The following METTL21A variants were observed in gnomAD, a reference collection of about 807,000 sequenced individuals.
METTL21A encodes the protein protein N-lysine methyltransferase METTL21A.
In METTL21A, 22 loss-of-function variants were observed where a neutral mutation model predicts 20.9. The observed-to-expected ratio is 1.05, with a 90% confidence interval of 0.75 to 1.50. METTL21A has a LOEUF of 1.50. Ranked by LOEUF, METTL21A falls within the 40% of genes most tolerant of loss-of-function variation. The pLI is 0.00. For synonymous variants in METTL21A, 93 were observed against 102.0 expected (o/e 0.91, Z 0.53); for missense variants, 271 against 266.8 (o/e 1.02, Z -0.11).
chr2:207,605,541 T>C (rs1310600462), downstream of METTL21A, among the ~76,000 whole-genome samples: 1 of 151,862 alleles, frequency 6.6e-6, no homozygotes. Flanking sequence ...AAAAGAAACA[T>C]GGAAAAGGGC....
At chr2:207,601,996 T>C (rs2087138410) in intron 3 of METTL21A, 1 of 206,888 alleles carries the variant, frequency 4.8e-6, no homozygotes, top group Non-Finnish European at 9.9e-6. Context: ...GCATTAATCT[T>C]TGAGGGGCTG....
At chr2:207,615,775 A>G (rs2089644445) in intron 3 of METTL21A, 1 of 152,230 alleles carries the variant, frequency 6.6e-6, no homozygotes, top group African/African-American at 2.4e-5. Flanking sequence ...TTTCACTTAC[A>G]TTACTGTCAT....
chr2:207,613,278 C>A, exon 4 of METTL21A: 2 of 1,614,018 alleles, frequency 1.2e-6, no homozygotes, highest in East Asian at 2.2e-5. Context: ...GATATCAGCA[C>A]CAAGTATCAG....
intron 3 of METTL21A, among the ~76,000 whole-genome samples, chr2:207,621,471 T>C (rs151070975): frequency 6.6e-6 from 1 of 152,324 alleles, no homozygotes; most frequent in African/African-American, 2.4e-5. Flanking sequence ...AAAAACTCTA[T>C]ACATGGGTAA....
chr2:207,591,676 G>A (rs150194988), intron 3 of METTL21A, among the ~76,000 whole-genome samples: 122 of 152,116 alleles, frequency 8.0e-4, no homozygotes, highest in African/African-American at 2.6e-3. Flanking sequence ...CAAGTTATCC[G>A]CTCACCTCAG....
chr2:207,581,101 A>G (rs1050553157), downstream of METTL21A: 4 of 211,892 alleles, frequency 1.9e-5, no homozygotes, highest in Non-Finnish European at 3.8e-5. Flanking sequence ...CAGATTCCCT[A>G]AAGGCAGAAG....
downstream of METTL21A, among the ~76,000 whole-genome samples, chr2:207,606,374 CGGG>C (rs2088104687): frequency 6.6e-6 from 1 of 152,032 alleles, no homozygotes; most frequent in South Asian, 2.1e-4. Flanking sequence ...CCCAGCTACT[CGGG>C]AGGCTGAGGC....
chr2:207,602,796 GATTT>G (rs1260931835), intron 3 of METTL21A: 10 of 215,898 alleles, frequency 4.6e-5, no homozygotes, highest in Non-Finnish European at 8.4e-5. Context: ...TTTGAGTATA[GATTT>G]ATTAGGGGTG....
chr2:207,582,302 A>G, intron 3 of METTL21A: 1 of 621,454 alleles, frequency 1.6e-6, no homozygotes, highest in South Asian at 1.9e-5. Flanking sequence ...TTTAGAATTC[A>G]TCAGTAAATC....
At chr2:207,583,361 G>GT (rs1224323747) in intron 3 of METTL21A, among the ~76,000 whole-genome samples, 10 of 152,100 alleles carry the variant, frequency 6.6e-5, no homozygotes, top group African/African-American at 2.4e-4. Flanking sequence ...CTCTTTGCCT[G>GT]TTTGTAACTT....
chr2:207,595,363 A>G (rs927710340), intron 3 of METTL21A, among the ~76,000 whole-genome samples: 45 of 151,980 alleles, frequency 3.0e-4, no homozygotes, highest in African/African-American at 1.1e-3. Context: ...CCCTATGCCC[A>G]TTTTTTAAAT....
intron 3 of METTL21A, among the ~76,000 whole-genome samples, chr2:207,620,105 AT>A (rs1313942085): frequency 1.3e-5 from 2 of 152,180 alleles, no homozygotes; most frequent in Non-Finnish European, 2.9e-5. Context: ...ATTTCCCCTT[AT>A]AGTAACTCTT....
intron 1 of METTL21A, chr2:207,624,618 G>GAA: frequency 2.6e-6 from 1 of 381,178 alleles, no homozygotes; most frequent in Non-Finnish European, 4.6e-6. Flanking sequence ...TGGGGAAGAA[G>GAA]AAAAAAAAAG....
intron 3 of METTL21A, chr2:207,620,749 C>A: frequency 6.7e-7 from 1 of 1,489,656 alleles, no homozygotes; most frequent in Non-Finnish European, 8.9e-7. Context: ...TTTCAACCAC[C>A]ACCCCTGCCC....
intron 3 of METTL21A, chr2:207,603,119 C>T (rs1056181649): frequency 5.2e-5 from 11 of 210,804 alleles, no homozygotes; most frequent in Non-Finnish European, 8.7e-5. Flanking sequence ...GAGGGAAATA[C>T]ATTTCTAATA....
At chr2:207,606,683 G>A (rs1181596335), downstream of METTL21A, among the ~76,000 whole-genome samples, 1 of 152,074 alleles carries the variant, frequency 6.6e-6, no homozygotes, top group African/African-American at 2.4e-5. Context: ...GTGAGGTTGT[G>A]ACTTCGTCTA....
At chr2:207,625,111 C>G (rs1229922446) in intron 1 of METTL21A, 2 of 152,474 alleles carry the variant, frequency 1.3e-5, no homozygotes, top group African/African-American at 4.8e-5. Context: ...GGCCCCGGAG[C>G]TGCGGCAACC....
intron 3 of METTL21A, chr2:207,597,764 G>T: frequency 5.0e-6 from 1 of 201,318 alleles, no homozygotes; most frequent in East Asian, 7.7e-5. Flanking sequence ...CAACATTTTT[G>T]AATACATTAA....
At chr2:207,602,085 A>G (rs916596600) in intron 3 of METTL21A, 6 of 205,314 alleles carry the variant, frequency 2.9e-5, no homozygotes, top group Non-Finnish European at 5.0e-5. Context: ...TCATCTGCTT[A>G]TGATAAGTTC....
Sources: allele counts gnomAD v4.1 joint callset (sites outside exome capture counted in the v4.1 genomes callset), GRCh38; gene constraint gnomAD v4.1.1; transcripts MANE v1.5; gene names NCBI Gene and HGNC (gene_info 2026-07-23, HGNC 2026-07-21).